The following MEGF11 variants were observed in gnomAD, a reference collection of about 807,000 sequenced individuals.
The protein encoded by MEGF11 is multiple epidermal growth factor-like domains protein 11.
A neutral mutation model predicts 146.6 loss-of-function variants in MEGF11; 126 were observed. The ratio of observed to expected loss-of-function variants is 0.86; its 90% CI spans 0.74 to 1.00. MEGF11 has a LOEUF of 1.00. Among genes scored for constraint, MEGF11 ranks in the 50% least tolerant of loss-of-function variants. The pLI is 0.00. For synonymous variants in MEGF11, 532 were observed against 583.4 expected (o/e 0.91, Z 1.27); for missense variants, 1,509 against 1,521.2 (o/e 0.99, Z 0.13).
At chr15:66,146,794 G>A (rs1042012916) in intron 1 of MEGF11, among the ~76,000 whole-genome samples, 3 of 152,246 alleles carry the variant, frequency 2.0e-5, no homozygotes, top group African/African-American at 7.2e-5. Context: ...GGGACAAAAC[G>A]GGGTCCTCGG....
At chr15:66,148,037 C>T (rs542005214) in intron 1 of MEGF11, among the ~76,000 whole-genome samples, 13 of 151,850 alleles carry the variant, frequency 8.6e-5, no homozygotes, top group East Asian at 1.9e-4. Flanking sequence ...CAGGAGGTAC[C>T]GGAGAGGGGG....
chr15:65,984,830 G>A (rs2081796955), intron 5 of MEGF11, among the ~76,000 whole-genome samples: 1 of 152,116 alleles, frequency 6.6e-6, no homozygotes, highest in African/African-American at 2.4e-5. Context: ...GTACAGTGGT[G>A]TGATCTCGGC....
intron 1 of MEGF11, among the ~76,000 whole-genome samples, chr15:66,148,778 C>T (rs1035147890): frequency 1.3e-5 from 2 of 152,274 alleles, no homozygotes; most frequent in South Asian, 2.1e-4. Flanking sequence ...GGTCCCTGGT[C>T]GTCTTCCCTT....
intron 7 of MEGF11, among the ~76,000 whole-genome samples, chr15:65,973,660 A>G (rs921177265): frequency 6.6e-6 from 1 of 152,146 alleles, no homozygotes; most frequent in African/African-American, 2.4e-5. Flanking sequence ...TTTAACCACA[A>G]ATTGTAATAT....
At chr15:66,061,551 TAAG>T (rs2084907792) in intron 5 of MEGF11, among the ~76,000 whole-genome samples, 1 of 151,890 alleles carries the variant, frequency 6.6e-6, no homozygotes, top group Non-Finnish European at 1.5e-5. Flanking sequence ...ACCTACTCAA[TAAG>T]ATGATCACAG....
chr15:66,169,280 C>T (rs1294214586), intron 1 of MEGF11, among the ~76,000 whole-genome samples: 1 of 152,204 alleles, frequency 6.6e-6, no homozygotes, highest in Non-Finnish European at 1.5e-5. Context: ...GAAAATGATG[C>T]AATTGAGCCA....
rs17819714 is a variant in MEGF11, at chr15:66,094,460, G to A, written c.336C>T (p.Cys112=). ...LCTEECVHGR[C]VSPDTCHCEP... Reference sequence around the variant, plus strand: ...CGCAGTGGCAGGTGTCCGGGGAAACGCAGCGGCCGTGCACACACTCCTCCG... The same window carrying A: ...CGCAGTGGCAGGTGTCCGGGGAAACACAGCGGCCGTGCACACACTCCTCCG... The change falls in exon 5 of 26, where the codon TGC becomes TGT. Residue 112 remains cysteine, a synonymous_variant. Coordinates refer to ENST00000395614, the MANE Select transcript of MEGF11 (RefSeq NM_001385028.1). 0.024 allele frequency: 37,529 copies of A among 1,560,290 alleles called. 547 individuals are homozygous for A. The highest frequency in any genetic ancestry group is 0.029 in the Non-Finnish European group (33,649 of 1,152,014).
intron 1 of MEGF11, among the ~76,000 whole-genome samples, chr15:66,134,957 A>C (rs1032951657): frequency 6.6e-6 from 1 of 152,226 alleles, no homozygotes; most frequent in Non-Finnish European, 1.5e-5. Flanking sequence ...ATGTGAAGGG[A>C]ATGGTGGAGT....
Position 65,898,607 on chromosome 15 carries a change from C to T in MEGF11, c.3262+121G>A, listed in dbSNP as rs2078412430. ...GAAAGACAGTTCACCTTAGAGATGCCTTTAAAAGCAACAAAAGAAGGATGT... is the reference window on the plus strand; with the variant it reads ...GAAAGACAGTTCACCTTAGAGATGCTTTTAAAAGCAACAAAAGAAGGATGT... On this transcript the variant is annotated intron_variant, in intron 25 of 25. Coordinates refer to ENST00000395614, the MANE Select transcript of MEGF11 (RefSeq NM_001385028.1). 2.1e-5 allele frequency: 32 copies of T among 1,494,006 alleles called. 1 individual carries two copies. The South Asian group carries it at 4.4e-4, about 20-fold the overall frequency. 92.5% of individuals were successfully genotyped at this position (1,494,006 alleles called of 1,614,324 possible). A position where few individuals can be genotyped will look rare whatever the true frequency, so the allele number is the denominator to read the frequency against.
intron 13 of MEGF11, among the ~76,000 whole-genome samples, chr15:65,924,117 G>C (rs1358636636): frequency 1.3e-5 from 2 of 151,770 alleles, no homozygotes; most frequent in Admixed American, 6.6e-5. Flanking sequence ...CCAGCAGCAG[G>C]AGAGCAGTGG....
intron 10 of MEGF11, among the ~76,000 whole-genome samples, chr15:65,949,603 G>A (rs373281284): frequency 2.4e-4 from 37 of 152,220 alleles, no homozygotes; most frequent in Non-Finnish European, 4.1e-4. Context: ...TCTGCTTCCC[G>A]CATTCCCGTC....
At chr15:65,919,042 A>G (rs112554653) in intron 15 of MEGF11, among the ~76,000 whole-genome samples, 206 of 152,308 alleles carry the variant, frequency 1.4e-3, no homozygotes, top group Middle Eastern at 3.4e-3. Context: ...TTGAAGATAC[A>G]TGACTTCCCC....
At chr15:65,918,511 A>G (rs1217057074) in intron 15 of MEGF11, among the ~76,000 whole-genome samples, 2 of 152,248 alleles carry the variant, frequency 1.3e-5, no homozygotes, top group Admixed American at 6.5e-5. Flanking sequence ...CCACGAGGGT[A>G]GAGAATATGT....
At chr15:66,245,441 A>G (rs2092281149) in intron 1 of MEGF11, among the ~76,000 whole-genome samples, 1 of 149,878 alleles carries the variant, frequency 6.7e-6, no homozygotes, top group South Asian at 2.2e-4. Context: ...CTGCCTGGGT[A>G]ATATAGCAAG....
chr15:66,123,006 T>A lies in MEGF11; in HGVS notation c.200+893A>T, dbSNP rs184061740. 1.4e-3 allele frequency among the ~76,000 whole-genome samples: 211 copies of A among 152,174 alleles called. 1 individual carries two copies. Among genetic ancestry groups the A allele is most frequent in the South Asian group, 3.3e-3 (16 of 4,816 alleles). ...CACTGTGTTAGCCAGGATGATCTCG[T>A]TCTCCTGACCTTGTGATACGCCCAC... On this transcript the variant is annotated intron_variant, in intron 3 of 25. Coordinates refer to ENST00000395614, the MANE Select transcript of MEGF11 (RefSeq NM_001385028.1).
At chr15:66,245,173 A>G (rs1009795124) in intron 1 of MEGF11, among the ~76,000 whole-genome samples, 1 of 152,214 alleles carries the variant, frequency 6.6e-6, no homozygotes, top group Non-Finnish European at 1.5e-5. Context: ...CAGAACTTGA[A>G]GCTGAGTCAG....
intron 1 of MEGF11, among the ~76,000 whole-genome samples, chr15:66,207,278 GA>G (rs1351898526): frequency 3.9e-5 from 6 of 152,124 alleles, no homozygotes; most frequent in Admixed American, 6.5e-5. Flanking sequence ...AAAAGATAAA[GA>G]CCAACACAGA....
At chr15:66,163,904 T>C (rs2090025892) in intron 1 of MEGF11, among the ~76,000 whole-genome samples, 1 of 152,188 alleles carries the variant, frequency 6.6e-6, no homozygotes, top group Non-Finnish European at 1.5e-5. Context: ...ACCGTTTTAA[T>C]TCCAGTGATG....
chr15:65,960,465 C>T (rs2080820428), intron 9 of MEGF11, among the ~76,000 whole-genome samples: 1 of 152,228 alleles, frequency 6.6e-6, no homozygotes, highest in Admixed American at 6.5e-5. Flanking sequence ...CTTGGTGGCC[C>T]TGACGCTCTG....
Sources: gnomAD v4.1 joint callset for allele counts (sites outside exome capture counted in the v4.1 genomes callset) on GRCh38, gnomAD v4.1.1 for gene constraint, MANE v1.5 for transcripts, NCBI Gene and HGNC (gene_info 2026-07-23, HGNC 2026-07-21) for gene names.